The following PCED1B variants were observed in gnomAD, a reference collection of about 807,000 sequenced individuals.
The protein encoded by PCED1B is PC-esterase domain-containing protein 1B.
For synonymous variants in PCED1B, 251 were observed against 246.1 expected (o/e 1.02, Z -0.19); for missense variants, 573 against 573.9 (o/e 1.00, Z 0.02).
At chr12:47,200,161 C>T (rs554138489) in intron 2 of PCED1B, among the ~76,000 whole-genome samples, 44 of 151,748 alleles carry the variant, frequency 2.9e-4, no homozygotes, top group African/African-American at 1.0e-3. Context: ...CACCACTGCA[C>T]TCCAGCCTGG....
chr12:47,190,493 C>T (rs1042037065), intron 2 of PCED1B, among the ~76,000 whole-genome samples: 4 of 152,188 alleles, frequency 2.6e-5, no homozygotes, highest in African/African-American at 4.8e-5. Flanking sequence ...TCCCTTTGTA[C>T]GAGAAACACA....
At chr12:47,090,765 T>G (rs1245494613) in intron 1 of PCED1B, among the ~76,000 whole-genome samples, 1 of 152,230 alleles carries the variant, frequency 6.6e-6, no homozygotes, top group Non-Finnish European at 1.5e-5. Context: ...TACTTTTGTA[T>G]GTAGTTGTAA....
chr12:47,229,811 C>T (rs1700432642), intron 3 of PCED1B, among the ~76,000 whole-genome samples: 1 of 151,950 alleles, frequency 6.6e-6, no homozygotes, highest in Non-Finnish European at 1.5e-5. Context: ...TCTCTGTCAC[C>T]CAGGCTGGAG....
At chr12:47,128,351 G>A (rs182175900) in intron 2 of PCED1B, among the ~76,000 whole-genome samples, 9 of 152,210 alleles carry the variant, frequency 5.9e-5, no homozygotes, top group Admixed American at 5.9e-4. Context: ...AACAAAAAAT[G>A]GAGAAGGCAC....
At chr12:47,201,633 G>GT (rs1942767467) in intron 2 of PCED1B, among the ~76,000 whole-genome samples, 2 of 150,986 alleles carry the variant, frequency 1.3e-5, no homozygotes, top group Non-Finnish European at 2.9e-5. Flanking sequence ...AGGTCTCACT[G>GT]TATCATTCAG....
At chr12:47,159,202 A>G (rs1028053939) in intron 2 of PCED1B, among the ~76,000 whole-genome samples, 16 of 152,210 alleles carry the variant, frequency 1.1e-4, no homozygotes, top group Non-Finnish European at 2.1e-4. Context: ...TGCAGTAAAC[A>G]TGGGAGTGCA....
chr12:47,135,709 T>C, intron 2 of PCED1B: 1 of 530,354 alleles, frequency 1.9e-6, no homozygotes, highest in South Asian at 1.4e-5. Context: ...TTGAAGAGGG[T>C]GTTGAATAGG....
Position 47,161,965 on chromosome 12 carries a change from G to A in PCED1B, c.-525-54257G>A, listed in dbSNP as rs556044448. ...AGGATGAATTCATGTCCTTTGTAGGGACATGGATGAAGCTGGAAACCATCA... is the reference window on the plus strand; with the variant it reads ...AGGATGAATTCATGTCCTTTGTAGGAACATGGATGAAGCTGGAAACCATCA... On this transcript the variant is annotated intron_variant, in intron 2 of 3. Coordinates refer to ENST00000546455, the MANE Select transcript of PCED1B (RefSeq NM_138371.3). 2.0e-5 allele frequency among the ~76,000 whole-genome samples: 3 copies of A among 152,278 alleles called. No homozygotes were observed. In the South Asian group the frequency reaches 6.2e-4, roughly 32 times the overall value.
At chr12:47,188,765 G>C (rs1942355070) in intron 2 of PCED1B, among the ~76,000 whole-genome samples, 1 of 152,220 alleles carries the variant, frequency 6.6e-6, no homozygotes, top group Non-Finnish European at 1.5e-5. Context: ...GAGTTGGGAT[G>C]AATGTGAAGA....
chr12:47,200,375 G>A (rs73295503), intron 2 of PCED1B, among the ~76,000 whole-genome samples: 12,799 of 152,122 alleles, frequency 0.084, 1,697 homozygotes, highest in African/African-American at 0.29. Context: ...AGGGAATTAC[G>A]AACTAAAACA....
At chr12:47,104,769 C>A (rs1276635425) in intron 2 of PCED1B, among the ~76,000 whole-genome samples, 3 of 152,042 alleles carry the variant, frequency 2.0e-5, no homozygotes, top group Non-Finnish European at 4.4e-5. Flanking sequence ...TAGTCGGGAC[C>A]CAGATGACCA....
At chr12:47,224,117 T>G (rs1361286995) in intron 3 of PCED1B, 2 of 152,356 alleles carry the variant, frequency 1.3e-5, no homozygotes, top group East Asian at 3.9e-4. Flanking sequence ...AAGACCATCA[T>G]GTAGAGGTTT....
At chr12:47,201,441 GCT>G (rs906076665) in intron 2 of PCED1B, among the ~76,000 whole-genome samples, 31 of 152,126 alleles carry the variant, frequency 2.0e-4, no homozygotes, top group African/African-American at 5.8e-4. Flanking sequence ...AGTCTGTCTG[GCT>G]CTCTTAGCTA....
chr12:47,224,787 A>G (rs1480154408), intron 3 of PCED1B, among the ~76,000 whole-genome samples: 1 of 152,220 alleles, frequency 6.6e-6, no homozygotes, highest in Non-Finnish European at 1.5e-5. Context: ...TCATAGCCGT[A>G]GATAGACGCA....
At chr12:47,203,902 CA>C (rs1942841608) in intron 2 of PCED1B, among the ~76,000 whole-genome samples, 1 of 152,200 alleles carries the variant, frequency 6.6e-6, no homozygotes, top group South Asian at 2.1e-4. Flanking sequence ...TCAATTGCCA[CA>C]AGTTCAAATG....
chr12:47,186,208 A>C (rs2137630338), intron 2 of PCED1B, among the ~76,000 whole-genome samples: 1 of 133,066 alleles, frequency 7.5e-6, no homozygotes, highest in East Asian at 2.2e-4. Flanking sequence ...ACAGAGTGAG[A>C]CTCCGTCTAA....
intron 2 of PCED1B, among the ~76,000 whole-genome samples, chr12:47,162,344 G>A (rs535622482): frequency 1.3e-5 from 2 of 152,122 alleles, no homozygotes; most frequent in South Asian, 2.1e-4. Context: ...TCTGCAGAGT[G>A]TACAAGAAAT....
At chr12:47,229,278 G>A (rs2090036292) in intron 3 of PCED1B, among the ~76,000 whole-genome samples, 1 of 151,942 alleles carries the variant, frequency 6.6e-6, no homozygotes, top group Admixed American at 6.6e-5. Context: ...GCTGGGCGTG[G>A]TGGTGCACGT....
intron 2 of PCED1B, among the ~76,000 whole-genome samples, chr12:47,125,006 T>A (rs1939829582): frequency 6.6e-6 from 1 of 151,988 alleles, no homozygotes; most frequent in South Asian, 2.1e-4. Context: ...TAGCAGATAT[T>A]CTTAATTTTG....
Sources: gnomAD v4.1 joint callset for allele counts (sites outside exome capture counted in the v4.1 genomes callset) on GRCh38, gnomAD v4.1.1 for gene constraint, MANE v1.5 for transcripts, NCBI Gene and HGNC (gene_info 2026-07-23, HGNC 2026-07-21) for gene names.